Variants in AMMECR1 observed in about 807,000 individuals in gnomAD.
The protein encoded by AMMECR1 is AMMECR nuclear protein 1, also known as nuclear protein AMMECR1.
AMMECR1 carries 3 observed loss-of-function variants against 22.5 expected under a neutral mutation model. The ratio of observed to expected loss-of-function variants is 0.13; its 90% CI spans 0.06 to 0.35. The LOEUF is 0.35. Among genes scored for constraint, AMMECR1 ranks in the 10% least tolerant of loss-of-function variants. The probability of loss-of-function intolerance (pLI) is 1.00; values close to 1 mark genes in which losing one functional copy is unlikely to be tolerated. For missense variants in AMMECR1, 235 were observed against 278.7 expected, an observed-to-expected ratio of 0.84 and a Z score of 1.12; for synonymous variants, 130 against 116.7, an observed-to-expected ratio of 1.11 and a Z score of -0.74.
Position 110,238,426 on chromosome X carries a change from C to A in AMMECR1, c.585-21794G>T, listed in dbSNP as rs1044393941. Among the ~76,000 whole-genome samples, 11 of 112,119 alleles carry A rather than the reference C, an allele frequency of 9.8e-5. No individual in the cohort carries two copies. The Admixed American group carries it at 1.0e-3, about 11-fold the overall frequency. On this transcript the variant is annotated intron_variant, in intron 2 of 5. Transcript: ENST00000262844. The stretch of plus-strand genomic sequence containing the variant: ...TTTCCCCTCACAGTGTAAACAAAGC[C>A]GCCAGGAAGTTCGAACTGGGTGGAG...
intron 2 of AMMECR1, among the ~76,000 whole-genome samples, chrX:110,337,947 G>A (rs990257532): frequency 1.8e-5 from 2 of 112,194 alleles, no homozygotes; most frequent in Admixed American, 9.4e-5. Context: ...ATTATGCTAA[G>A]TGAAATAAGC....
chrX:110,307,221 G>A (rs1226243087), intron 1 of AMMECR1: 2 of 105,974 alleles, frequency 1.9e-5, no homozygotes, highest in African/African-American at 7.0e-5. Flanking sequence ...ACTCTAGCCT[G>A]GGTGATGGAG....
At chrX:110,334,081 CT>C (rs2068131959) in intron 2 of AMMECR1, among the ~76,000 whole-genome samples, 2 of 111,479 alleles carry the variant, frequency 1.8e-5, no homozygotes, top group African/African-American at 3.3e-5. Context: ...AAAAATGTTT[CT>C]TTTTATTTCA....
At chrX:110,327,885 T>C (rs2068104064) in intron 2 of AMMECR1, among the ~76,000 whole-genome samples, 1 of 111,602 alleles carries the variant, frequency 9.0e-6, no homozygotes, top group Non-Finnish European at 1.9e-5. Context: ...ATTATTCTCT[T>C]CTAGTCTCAT....
chrX:110,346,320 T>C (rs753638510), intron 2 of AMMECR1, among the ~76,000 whole-genome samples: 1 of 112,112 alleles, frequency 8.9e-6, no homozygotes, highest in Admixed American at 9.5e-5. Context: ...TATGAGTAGA[T>C]TATTCAAAAA....
At chrX:110,395,135 C>T (rs2068520258) in intron 2 of AMMECR1, among the ~76,000 whole-genome samples, 1 of 112,523 alleles carries the variant, frequency 8.9e-6, no homozygotes, top group Non-Finnish European at 1.9e-5. Context: ...GGAAGCCAAA[C>T]CTTTTGGCAA....
In AMMECR1 at chrX:110,369,741, A is replaced by G. The variant is rs1372546905; in HGVS notation, c.-147-51892T>C. 4.5e-5 allele frequency among the ~76,000 whole-genome samples: 5 copies of G among 112,143 alleles called. No homozygotes were observed. In the Admixed American group the frequency reaches 4.7e-4, roughly 11 times the overall value. On this transcript the variant is annotated intron_variant, in intron 2 of 7. Transcript: ENST00000372057. ...ATTATACACACATATCTCCATGTGT[A>G]TAATTCATTTTTAAACTGTACACAC...
At chrX:110,383,006 G>T (rs1477202782) in intron 2 of AMMECR1, among the ~76,000 whole-genome samples, 3 of 111,869 alleles carry the variant, frequency 2.7e-5, no homozygotes, top group African/African-American at 6.5e-5. Context: ...GGAATCAAAG[G>T]GTTCCCCTAG....
intron 2 of AMMECR1, among the ~76,000 whole-genome samples, chrX:110,375,054 T>G (rs1402792437): frequency 8.9e-6 from 1 of 111,751 alleles, no homozygotes; most frequent in Non-Finnish European, 1.9e-5. Context: ...GTTTCTGGGT[T>G]ACTGGATAGG....
intron 2 of AMMECR1, among the ~76,000 whole-genome samples, chrX:110,325,892 A>G (rs1270246742): frequency 2.7e-5 from 3 of 112,068 alleles, no homozygotes; most frequent in Non-Finnish European, 5.6e-5. Context: ...CTTTTTAAAT[A>G]TAGGTATTAT....
At chrX:110,273,885 G>A (rs956587153) in intron 1 of AMMECR1, among the ~76,000 whole-genome samples, 3 of 112,088 alleles carry the variant, frequency 2.7e-5, no homozygotes, top group Non-Finnish European at 5.6e-5. Context: ...AGTTACTATA[G>A]CCTTATAGTG....
intron 2 of AMMECR1, among the ~76,000 whole-genome samples, chrX:110,235,563 T>C (rs751029508): frequency 6.8e-4 from 76 of 112,389 alleles, no homozygotes; most frequent in Non-Finnish European, 1.2e-3. Flanking sequence ...GGAACCAACC[T>C]AAATGTCCAT....
At chrX:110,360,784 G>C (rs2148249164) in intron 2 of AMMECR1, among the ~76,000 whole-genome samples, 1 of 110,979 alleles carries the variant, frequency 9.0e-6, no homozygotes, top group East Asian at 2.8e-4. Flanking sequence ...AGTAAGACAA[G>C]GTGAGATCCT....
At chrX:110,227,848 T>C (rs1042677536) in intron 2 of AMMECR1, among the ~76,000 whole-genome samples, 6 of 112,101 alleles carry the variant, frequency 5.4e-5, no homozygotes, top group African/African-American at 1.6e-4. Context: ...ATTCTAACTT[T>C]CGTGGAGTGG....
At chrX:110,281,510 GT>G (rs2067852177) in intron 1 of AMMECR1, among the ~76,000 whole-genome samples, 1 of 112,325 alleles carries the variant, frequency 8.9e-6, no homozygotes, top group South Asian at 3.7e-4. Flanking sequence ...AACAGTATTT[GT>G]TGTGAGACTG....
chrX:110,271,460 C>A (rs969736170), intron 1 of AMMECR1, among the ~76,000 whole-genome samples: 1 of 112,159 alleles, frequency 8.9e-6, no homozygotes. Context: ...AGGGTAATCA[C>A]CACAGACATA....
At chrX:110,312,780 A>T (rs1264329045) in intron 1 of AMMECR1, among the ~76,000 whole-genome samples, 1 of 110,228 alleles carries the variant, frequency 9.1e-6, no homozygotes, top group Non-Finnish European at 1.9e-5. Context: ...CAACATTGTT[A>T]AAAAAAAACA....
At chrX:110,364,262 C>T (rs147245883) in intron 2 of AMMECR1, among the ~76,000 whole-genome samples, 1,591 of 111,739 alleles carry the variant, frequency 0.014, 32 homozygotes, top group African/African-American at 0.05. Flanking sequence ...TTACAGCCCA[C>T]CCTAATCCAG....
chrX:110,370,569 A>G (rs980757185), intron 2 of AMMECR1, among the ~76,000 whole-genome samples: 1 of 112,359 alleles, frequency 8.9e-6, no homozygotes, highest in Non-Finnish European at 1.9e-5. Context: ...ATTCTAAGTC[A>G]TCCCTTTTCT....
Sources: gnomAD v4.1 joint callset for allele counts (sites outside exome capture counted in the v4.1 genomes callset) on GRCh38, gnomAD v4.1.1 for gene constraint, MANE v1.5 for transcripts, NCBI Gene and HGNC (gene_info 2026-07-23, HGNC 2026-07-21) for gene names.